MRPS6: variants seen among roughly 807,000 people sequenced by gnomAD.
MRPS6 encodes mitochondrial ribosomal protein S6, also known as small ribosomal subunit protein bS6m.
Under a neutral mutation model 13.1 loss-of-function variants are expected in MRPS6, and 6 were observed. The observed-to-expected ratio is 0.46, with a 90% confidence interval of 0.25 to 0.91. The LOEUF (loss-of-function observed/expected upper bound fraction) is 0.91. Ranked by LOEUF, MRPS6 falls within the 40% of genes least tolerant of loss-of-function variation. The pLI, the probability that MRPS6 is intolerant of heterozygous loss-of-function variation, is 0.18. For synonymous variants in MRPS6, 61 were observed against 56.5 expected, an observed-to-expected ratio of 1.08 and a Z score of -0.36; for missense variants, 164 against 155.6, an observed-to-expected ratio of 1.05 and a Z score of -0.29.
At chr21:34,125,905 C>T (rs1398347178) in intron 2 of MRPS6, among the ~76,000 whole-genome samples, 1 of 152,092 alleles carries the variant, frequency 6.6e-6, no homozygotes, top group Non-Finnish European at 1.5e-5. Flanking sequence ...GCCTAATCAA[C>T]AAAAGAAAAA....
At position 34,142,452 on chromosome 21, in the gene MRPS6, G is replaced by A. The variant is rs751581233; in HGVS notation, c.230G>A (p.Ser77Asn). ...DFYAPTAAVE[S>N]MVEHLSRDID... ...TATGCACCCACCGCAGCTGTTGAAAGCATGGTGGAGCACTTGTCTCGAGAT... is the reference window on the plus strand; with the variant it reads ...TATGCACCCACCGCAGCTGTTGAAAACATGGTGGAGCACTTGTCTCGAGAT... Residue 77 changes from serine (S) to asparagine (N), a missense_variant, in exon 3 of 3, where the codon AGC (serine) becomes AAC (asparagine). By Grantham distance (46) the Ser-to-Asn change is conservative. Transcript: ENST00000399312. 27 of 1,605,704 alleles carry A rather than the reference G, an allele frequency of 1.7e-5. No individual in the cohort carries two copies. In the Admixed American group the frequency reaches 4.5e-4, roughly 26 times the overall value.
intron 1 of MRPS6, among the ~76,000 whole-genome samples, chr21:34,082,505 A>G (rs1989482030): frequency 6.6e-6 from 1 of 152,176 alleles, no homozygotes; most frequent in Non-Finnish European, 1.5e-5. Flanking sequence ...TACTACTGGC[A>G]TGCAAAGATT....
intron 1 of MRPS6, among the ~76,000 whole-genome samples, chr21:34,092,016 T>TGTTAGCTGAAGATTCTTCC (rs1170282732): frequency 4.6e-5 from 7 of 152,286 alleles, no homozygotes; most frequent in Non-Finnish European, 8.8e-5. Context: ...AAAAGCCTCA[T>TGTTAGCTGAAGATTCTTCC]GTTAGCTGAA....
chr21:34,104,692 C>T (rs1979399276), intron 1 of MRPS6: 3 of 1,000,224 alleles, frequency 3.0e-6, no homozygotes, highest in Non-Finnish European at 3.6e-6. Context: ...AACCTCAGGC[C>T]TGGGGGGATG....
chr21:34,102,053 A>G, intron 1 of MRPS6: 1 of 1,000,118 alleles, frequency 1.0e-6, no homozygotes, highest in African/African-American at 1.7e-5. Context: ...GGATTGTGAA[A>G]AGGTAATCTT....
At chr21:34,103,241 T>C in intron 1 of MRPS6, 1 of 999,872 alleles carries the variant, frequency 1.0e-6, no homozygotes, top group South Asian at 4.7e-5. Flanking sequence ...TCTGCTAGTT[T>C]GCACCTTTCC....
intron 1 of MRPS6, among the ~76,000 whole-genome samples, chr21:34,090,692 A>G (rs1239012236): frequency 6.6e-6 from 1 of 152,212 alleles, no homozygotes; most frequent in East Asian, 1.9e-4. Flanking sequence ...TGCACTGGGC[A>G]ATACTAGCTT....
At chr21:34,138,029 G>A (rs1458454352) in intron 2 of MRPS6, among the ~76,000 whole-genome samples, 1 of 151,760 alleles carries the variant, frequency 6.6e-6, no homozygotes, top group Non-Finnish European at 1.5e-5. Flanking sequence ...TTTAAAGTGT[G>A]TATTCTTGAG....
chr21:34,086,254 G>A (rs1363331730), intron 1 of MRPS6, among the ~76,000 whole-genome samples: 1 of 152,166 alleles, frequency 6.6e-6, no homozygotes, highest in Non-Finnish European at 1.5e-5. Flanking sequence ...GTGGTCTTGG[G>A]AGGGATAGAT....
intron 1 of MRPS6, chr21:34,098,790 T>C: frequency 1.0e-6 from 1 of 1,000,176 alleles, no homozygotes; most frequent in Non-Finnish European, 1.2e-6. Flanking sequence ...AGAGAAAAGC[T>C]CTACAGATTA....
intron 1 of MRPS6, chr21:34,098,535 A>G (rs1602933017): frequency 1.0e-6 from 1 of 1,000,234 alleles, no homozygotes. Flanking sequence ...CTTAGAGCAT[A>G]AGGATGTTTC....
intron 1 of MRPS6, chr21:34,101,628 A>C (rs1429277582): frequency 2.0e-6 from 2 of 1,000,012 alleles, no homozygotes; most frequent in South Asian, 9.4e-5. Context: ...AGCAAATTCA[A>C]ATTTTGATTT....
intron 1 of MRPS6, among the ~76,000 whole-genome samples, chr21:34,110,016 T>A (rs910144599): frequency 1.3e-5 from 2 of 152,220 alleles, no homozygotes; most frequent in Non-Finnish European, 2.9e-5. Flanking sequence ...CCCTTTAACC[T>A]TTTGAAGGTT....
intron 1 of MRPS6, among the ~76,000 whole-genome samples, chr21:34,085,994 A>C (rs1377262635): frequency 2.0e-5 from 3 of 152,224 alleles, no homozygotes; most frequent in African/African-American, 7.2e-5. Context: ...CTGAATTGTC[A>C]AAAGTGTCTG....
intron 1 of MRPS6, among the ~76,000 whole-genome samples, chr21:34,074,016 G>T (rs932952144): frequency 7.5e-5 from 11 of 146,448 alleles, no homozygotes; most frequent in African/African-American, 2.2e-4. Context: ...CCGGGCGGGG[G>T]GCGGGGCGGA....
chr21:34,073,635 C>G lies in MRPS6; in HGVS notation c.-66C>G, dbSNP rs1428925944. On this transcript the variant is annotated 5_prime_UTR_variant, in exon 1 of 3. Transcript: ENST00000399312. Reference sequence around the variant, plus strand: ...AGTTTCTAGGTCCCCACTGTCCCCGCCGTCCCGCCCCTTCGCGTCCCGGGA... The same window carrying G: ...AGTTTCTAGGTCCCCACTGTCCCCGGCGTCCCGCCCCTTCGCGTCCCGGGA... The G allele has an allele frequency of 7.8e-6, 11 of 1,408,626 alleles. No homozygotes were observed. Among genetic ancestry groups the G allele is most frequent in the Non-Finnish European group, 1.1e-5 (11 of 1,032,570 alleles). 87.3% of individuals were successfully genotyped at this position (1,408,626 alleles called of 1,614,324 possible). A position where few individuals can be genotyped will look rare whatever the true frequency, so the allele number is the denominator to read the frequency against.
At chr21:34,098,737 G>T (rs1212137884) in intron 1 of MRPS6, 18 of 1,000,018 alleles carry the variant, frequency 1.8e-5, no homozygotes, top group Non-Finnish European at 2.2e-5. Context: ...GACATGGCTT[G>T]GCACCCACTT....
chr21:34,074,282 G>GT (rs1490444918), intron 1 of MRPS6, among the ~76,000 whole-genome samples: 3 of 152,116 alleles, frequency 2.0e-5, no homozygotes, highest in Admixed American at 2.0e-4. Context: ...TCCAAAGCTT[G>GT]TTTGTGCCGT....
intron 2 of MRPS6, 47 bp from the exon 3 acceptor site, chr21:34,142,361 T>C: frequency 6.5e-7 from 1 of 1,529,884 alleles, no homozygotes. Context: ...ATAGTAGAAT[T>C]ATTACAATTC....
Sources: allele counts gnomAD v4.1 joint callset (sites outside exome capture counted in the v4.1 genomes callset), GRCh38; gene constraint gnomAD v4.1.1; transcripts MANE v1.5; gene names NCBI Gene and HGNC (gene_info 2026-07-23, HGNC 2026-07-21).